Variants in PIK3C2B observed in about 807,000 individuals in gnomAD.
PIK3C2B encodes phosphatidylinositol-4-phosphate 3-kinase catalytic subunit type 2 beta.
Under a neutral mutation model 184.3 loss-of-function variants are expected in PIK3C2B, and 83 were observed. That is an observed-to-expected ratio of 0.45 (90% confidence interval 0.38 to 0.54). The LOEUF is 0.54. Among genes scored for constraint, PIK3C2B ranks in the 20% least tolerant of loss-of-function variants. The pLI is 0.00. For synonymous variants in PIK3C2B, 779 were observed against 837.6 expected, an observed-to-expected ratio of 0.93 and a Z score of 1.21; for missense variants, 1,736 against 2,113.5, an observed-to-expected ratio of 0.82 and a Z score of 3.50.
intron 28 of PIK3C2B, among the ~76,000 whole-genome samples, chr1:204,430,608 G>T (rs1053882247): frequency 6.6e-6 from 1 of 152,036 alleles, no homozygotes; most frequent in Non-Finnish European, 1.5e-5. Context: ...CTGCCAAAGT[G>T]CTGGGATTAC....
intron 8 of PIK3C2B, 48 bp from the exon 9 acceptor site, chr1:204,457,922 T>A: frequency 1.3e-6 from 2 of 1,586,140 alleles, no homozygotes; most frequent in Non-Finnish European, 1.7e-6. Flanking sequence ...TCTCATGCTC[T>A]TGGTCTCCAA....
chr1:204,446,243 G>C (rs1481356004), intron 15 of PIK3C2B, 99 bp from the exon 16 acceptor site: 2 of 719,168 alleles, frequency 2.8e-6, no homozygotes, highest in Admixed American at 3.2e-5. Flanking sequence ...TCAAGGGAGT[G>C]CTGCACACAC....
chr1:204,490,658 T>C (rs11240750), intron 1 of PIK3C2B, among the ~76,000 whole-genome samples: 59,243 of 151,786 alleles, frequency 0.39, 13,771 homozygotes, highest in Non-Finnish European at 0.5. Context: ...GAGAGGTGGC[T>C]CATGCCCGTA....
intron 1 of PIK3C2B, among the ~76,000 whole-genome samples, chr1:204,485,596 C>T: frequency 1.4e-5 from 2 of 140,908 alleles, no homozygotes; most frequent in African/African-American, 2.6e-5. Flanking sequence ...TTTTTTGAGA[C>T]AGGGTCTTGC....
chr1:204,465,480 T>C (rs964941557), intron 2 of PIK3C2B, among the ~76,000 whole-genome samples, 161 bp from the exon 3 acceptor site: 2 of 152,194 alleles, frequency 1.3e-5, no homozygotes, highest in Non-Finnish European at 2.9e-5. Context: ...CGGGAATACA[T>C]GTATCTGCTG....
intron 1 of PIK3C2B, among the ~76,000 whole-genome samples, chr1:204,480,658 G>A (rs1266108539): frequency 6.6e-6 from 1 of 151,886 alleles, no homozygotes; most frequent in African/African-American, 2.4e-5. Context: ...CTGGGTGCAG[G>A]AGCCAATGGG....
chr1:204,472,915 T>G (rs915887886), intron 1 of PIK3C2B, among the ~76,000 whole-genome samples: 3 of 152,206 alleles, frequency 2.0e-5, no homozygotes, highest in Admixed American at 6.5e-5. Flanking sequence ...TGTGGATCTA[T>G]GAATGTGTGT....
chr1:204,455,086 T>C (rs1181631063), intron 11 of PIK3C2B, among the ~76,000 whole-genome samples: 1 of 152,218 alleles, frequency 6.6e-6, no homozygotes, highest in Admixed American at 6.5e-5. Flanking sequence ...CTCCAGCCCA[T>C]GGAGCGTCTG....
intron 3 of PIK3C2B, 58 bp downstream of exon 3, chr1:204,465,161 G>GGCCCCCACCCCCAA: frequency 1.4e-6 from 1 of 734,312 alleles, no homozygotes; most frequent in Non-Finnish European, 2.4e-6. Context: ...GAAATGGATG[G>GGCCCCCACCCCCAA]CCCCCCTCCC....
chr1:204,493,930 CT>C (rs1200735181), intron 1 of PIK3C2B, among the ~76,000 whole-genome samples: 3 of 152,248 alleles, frequency 2.0e-5, no homozygotes, highest in Non-Finnish European at 4.4e-5. Flanking sequence ...TAGATGCCGA[CT>C]TCTCACCCAG....
intron 1 of PIK3C2B, among the ~76,000 whole-genome samples, chr1:204,483,239 T>TAGTG (rs1398946703): frequency 1.3e-5 from 2 of 152,052 alleles, no homozygotes; most frequent in African/African-American, 4.8e-5. Flanking sequence ...CTGGGAAACA[T>TAGTG]AGACTCCATC....
chr1:204,465,463 G>A, intron 2 of PIK3C2B, 144 bp from the exon 3 acceptor site: 1 of 625,380 alleles, frequency 1.6e-6, no homozygotes, highest in African/African-American at 1.8e-5. Flanking sequence ...AGAACATATG[G>A]GACATCCGGG....
intron 14 of PIK3C2B, among the ~76,000 whole-genome samples, chr1:204,448,616 T>C (rs1434847650): frequency 3.2e-5 from 4 of 126,672 alleles, no homozygotes; most frequent in Non-Finnish European, 6.5e-5. Flanking sequence ...CCAGCCTGGG[T>C]GACAGAGATC....
chr1:204,425,194 C>T (rs904914162), intron 32 of PIK3C2B, among the ~76,000 whole-genome samples, 154 bp from the exon 33 acceptor site: 2 of 152,190 alleles, frequency 1.3e-5, no homozygotes, highest in African/African-American at 4.8e-5. Context: ...AGAAGGCACA[C>T]AAGGTACACA....
At chr1:204,430,866 C>T (rs765983456) in intron 28 of PIK3C2B, among the ~76,000 whole-genome samples, 2 of 152,098 alleles carry the variant, frequency 1.3e-5, no homozygotes, top group Non-Finnish European at 2.9e-5. Flanking sequence ...GTTGGCCAGG[C>T]TGCTCTCGAA....
chr1:204,426,730 A>G (rs1674762085), intron 31 of PIK3C2B, among the ~76,000 whole-genome samples: 1 of 152,172 alleles, frequency 6.6e-6, no homozygotes, highest in African/African-American at 2.4e-5. Context: ...GCACTCAAAC[A>G]TTTATTGAAT....
intron 15 of PIK3C2B, among the ~76,000 whole-genome samples, chr1:204,446,882 C>G (rs972825816): frequency 2.6e-5 from 4 of 152,146 alleles, no homozygotes; most frequent in Non-Finnish European, 5.9e-5. Context: ...AGAGAGCAGA[C>G]AGCGGAACCA....
chr1:204,469,916 G>T, intron 1 of PIK3C2B, 30 bp from the exon 2 acceptor site: 1 of 646,828 alleles, frequency 1.5e-6, no homozygotes, highest in Non-Finnish European at 2.8e-6. Flanking sequence ...ATATCAATCA[G>T]TCACAAAGAG....
At chr1:204,443,664 CAG>C (rs1653579721) in intron 18 of PIK3C2B, 67 bp from the exon 19 acceptor site, 4 of 1,443,872 alleles carry the variant, frequency 2.8e-6, no homozygotes, top group South Asian at 1.2e-5. Flanking sequence ...CAGGGGGAGA[CAG>C]AGTCAGGCCC....
Sources: gnomAD v4.1 joint callset for allele counts (sites outside exome capture counted in the v4.1 genomes callset) on GRCh38, gnomAD v4.1.1 for gene constraint, MANE v1.5 for transcripts, NCBI Gene and HGNC (gene_info 2026-07-23, HGNC 2026-07-21) for gene names.